The following ERP44 variants were observed in gnomAD, a reference collection of about 807,000 sequenced individuals.
ERP44 encodes the protein endoplasmic reticulum resident protein 44.
In ERP44, 25 loss-of-function variants were observed where a neutral mutation model predicts 53.4. The observed-to-expected ratio is 0.47, with a 90% CI of 0.34 to 0.65. The LOEUF is 0.65. Among genes scored for constraint, ERP44 ranks in the 30% least tolerant of loss-of-function variants. The pLI is 0.01. For missense variants in ERP44, 338 were observed against 493.2 expected (o/e 0.69, Z 2.98); for synonymous variants, 145 against 161.2 (o/e 0.90, Z 0.76).
At chr9:99,990,216 G>A (rs1053119203) in intron 10 of ERP44, among the ~76,000 whole-genome samples, 2 of 152,132 alleles carry the variant, frequency 1.3e-5, no homozygotes, top group African/African-American at 4.8e-5. Flanking sequence ...ACACATAATT[G>A]TCAGATTCAC....
At chr9:100,059,775 AG>A (rs1300442757) in intron 2 of ERP44, among the ~76,000 whole-genome samples, 1 of 152,206 alleles carries the variant, frequency 6.6e-6, no homozygotes, top group African/African-American at 2.4e-5. Flanking sequence ...ATCTAATTAA[AG>A]GGAAAAAAGA....
chr9:100,052,533 C>T lies in ERP44; in HGVS notation c.171-1G>A. 6.4e-7 allele frequency: 1 copy of T among 1,551,004 alleles called. No individual in the cohort carries two copies. The highest frequency in any genetic ancestry group is 8.8e-7 in the Non-Finnish European group (1 of 1,134,028). ...ATGCAACATCTGACTGAAACGACAC[C>T]TATACACAGAGAAGGATGCCAATTA... On this transcript the variant is annotated splice_acceptor_variant, in intron 3 of 11. Coordinates refer to ENST00000262455, the MANE Select transcript of ERP44 (RefSeq NM_015051.3). LOFTEE classifies it high-confidence loss of function.
Position 100,018,876 on chromosome 9 carries a change from T to C in ERP44, c.588-563A>G, listed in dbSNP as rs75402342. 3.5e-3 allele frequency among the ~76,000 whole-genome samples: 531 copies of C among 152,278 alleles called. 2 individuals carry two copies. The highest frequency in any genetic ancestry group is 0.011 in the African/African-American group (476 of 41,566). On this transcript the variant is annotated intron_variant, in intron 6 of 11. Coordinates refer to ENST00000262455, the MANE Select transcript of ERP44 (RefSeq NM_015051.3). ...TAGAGGCAAGGGGTGCTAACCTAGA[T>C]TGATAACCGTGGGAACAGAAAAAAA...
At chr9:100,097,347 T>G (rs1349000091) in intron 1 of ERP44, among the ~76,000 whole-genome samples, 1 of 150,832 alleles carries the variant, frequency 6.6e-6, no homozygotes, top group East Asian at 1.9e-4. Flanking sequence ...ATCTTAAGAT[T>G]TTTGCCCTTT....
intron 6 of ERP44, 86 bp downstream of exon 6, chr9:100,020,530 T>A (rs1435500581): frequency 1.4e-6 from 1 of 696,678 alleles, no homozygotes; most frequent in Admixed American, 2.3e-5. Context: ...TTTGGAAAGA[T>A]CATCTTCAGG....
chr9:100,030,349 C>G (rs1825767789), intron 4 of ERP44, among the ~76,000 whole-genome samples: 1 of 152,248 alleles, frequency 6.6e-6, no homozygotes, highest in African/African-American at 2.4e-5. Flanking sequence ...CAAAAGGAAA[C>G]AGACTGCAGC....
chr9:100,003,347 A>T (rs185034150), intron 10 of ERP44, among the ~76,000 whole-genome samples: 1 of 152,312 alleles, frequency 6.6e-6, no homozygotes, highest in East Asian at 1.9e-4. Flanking sequence ...TGGTGATGTT[A>T]CGTTTATGTC....
chr9:100,022,954 A>G (rs1830610145), intron 4 of ERP44, among the ~76,000 whole-genome samples: 1 of 152,228 alleles, frequency 6.6e-6, no homozygotes, highest in South Asian at 2.1e-4. Flanking sequence ...GATTACTAAA[A>G]TTCTTTAAAC....
chr9:100,028,998 G>A (rs1310252964), intron 4 of ERP44, among the ~76,000 whole-genome samples: 1 of 152,070 alleles, frequency 6.6e-6, no homozygotes, highest in Admixed American at 6.5e-5. Flanking sequence ...AATTCTAAGT[G>A]TCCCTATCTC....
intron 1 of ERP44, among the ~76,000 whole-genome samples, chr9:100,095,655 TG>T (rs1428452404): frequency 2.0e-5 from 3 of 152,138 alleles, no homozygotes; most frequent in Non-Finnish European, 4.4e-5. Flanking sequence ...ATAACTGACC[TG>T]GTATTGGGCC....
chr9:100,042,082 T>G (rs138389219), intron 4 of ERP44, among the ~76,000 whole-genome samples: 123 of 152,216 alleles, frequency 8.1e-4, no homozygotes, highest in Non-Finnish European at 1.5e-3. Flanking sequence ...TTAAAAAGCT[T>G]TCGCACAGCA....
At chr9:100,004,640 C>T (rs949893432) in intron 10 of ERP44, among the ~76,000 whole-genome samples, 1 of 152,170 alleles carries the variant, frequency 6.6e-6, no homozygotes, top group African/African-American at 2.4e-5. Context: ...TCTCTCCATA[C>T]TGTGCTGCCT....
intron 1 of ERP44, among the ~76,000 whole-genome samples, chr9:100,077,865 T>A (rs923416658): frequency 1.3e-5 from 2 of 152,218 alleles, no homozygotes; most frequent in African/African-American, 4.8e-5. Context: ...AGTATTACTA[T>A]GCCTTGTGAT....
chr9:100,098,999 AC>A lies in ERP44; in HGVS notation c.-160del. ...CTCGACCCGGGCTCCAGCGGCGAAC[AC>A]CCGGGACAACTTCCAGAGAGGCCTC... On this transcript the variant is annotated 5_prime_UTR_variant, in exon 1 of 12. Transcript: ENST00000262455. The A allele has an allele frequency of 5.0e-6, 3 of 604,540 alleles. No homozygotes were observed. Among genetic ancestry groups the A allele is most frequent in the Non-Finnish European group, 8.9e-6 (3 of 337,216 alleles). The allele number at this position is 604,540 out of a possible 1,614,324, so 37.4% of individuals were successfully genotyped here.
At chr9:100,046,375 A>G (rs777535544) in intron 4 of ERP44, among the ~76,000 whole-genome samples, 19 of 152,208 alleles carry the variant, frequency 1.2e-4, no homozygotes, top group Non-Finnish European at 2.2e-4. Flanking sequence ...AATAAAATCC[A>G]AATGTGCCAT....
intron 1 of ERP44, among the ~76,000 whole-genome samples, chr9:100,075,417 A>G (rs1252952269): frequency 6.6e-6 from 1 of 152,138 alleles, no homozygotes; most frequent in African/African-American, 2.4e-5. Context: ...TTACTGTCCT[A>G]CCTTGGGGGG....
Position 99,998,627 on chromosome 9 carries a change from T to C in ERP44, c.1016+7879A>G. 6 of 764,076 alleles carry C rather than the reference T, an allele frequency of 7.9e-6. No homozygotes were observed. In the Admixed American group the frequency reaches 1.1e-4, roughly 13 times the overall value. 47.3% of individuals were successfully genotyped at this position (764,076 alleles called of 1,614,324 possible). A position where few individuals can be genotyped will look rare whatever the true frequency, so the allele number is the denominator to read the frequency against. On this transcript the variant is annotated intron_variant, in intron 10 of 11. Coordinates refer to ENST00000262455, the MANE Select transcript of ERP44 (RefSeq NM_015051.3). ...CTGTCTTTGTGCTTCAGATTCTTTT[T>C]CTTGAGATCTCTCCACATCCCTGTG...
At chr9:100,097,542 T>G (rs1193169270) in intron 1 of ERP44, among the ~76,000 whole-genome samples, 1 of 152,190 alleles carries the variant, frequency 6.6e-6, no homozygotes, top group Non-Finnish European at 1.5e-5. Context: ...CAGAATATTT[T>G]CCTCGATACA....
intron 1 of ERP44, among the ~76,000 whole-genome samples, chr9:100,087,398 A>G (rs1431140718): frequency 6.6e-6 from 1 of 152,244 alleles, no homozygotes; most frequent in Non-Finnish European, 1.5e-5. Flanking sequence ...ATCAGTGCAC[A>G]CAATTTTAAT....
Sources: gnomAD v4.1 joint callset for allele counts (sites outside exome capture counted in the v4.1 genomes callset) on GRCh38, gnomAD v4.1.1 for gene constraint, MANE v1.5 for transcripts, NCBI Gene and HGNC (gene_info 2026-07-23, HGNC 2026-07-21) for gene names.